KLHDC4: variants seen among roughly 807,000 people sequenced by gnomAD.
KLHDC4 encodes kelch domain containing 4.
Under a neutral mutation model 62.4 loss-of-function variants are expected in KLHDC4, and 90 were observed. The ratio of observed to expected loss-of-function variants is 1.44; its 90% CI spans 1.22 to 1.72. KLHDC4 has a LOEUF of 1.72. KLHDC4 is among the 40% of genes most tolerant of loss of function. The pLI, the probability that KLHDC4 is intolerant of heterozygous loss-of-function variation, is 0.00. For missense variants in KLHDC4, 1,025 were observed against 699.7 expected, an observed-to-expected ratio of 1.47 and a Z score of -5.25; for synonymous variants, 386 against 284.4, an observed-to-expected ratio of 1.36 and a Z score of -3.59.
chr16:87,709,672 T>A lies in KLHDC4; in HGVS notation c.1045-5A>T, dbSNP rs1157739543. On this transcript the variant is annotated splice_region_variant and splice_polypyrimidine_tract_variant and intron_variant, in intron 9 of 11. Transcript: ENST00000270583. ...CTTCTTTTCAGACTTGGGTCCCTATTAATAGACCGAGGAAGCAGAGAGCAG... is the reference window on the plus strand; with the variant it reads ...CTTCTTTTCAGACTTGGGTCCCTATAAATAGACCGAGGAAGCAGAGAGCAG... 2 of 1,581,490 alleles carry A rather than the reference T, an allele frequency of 1.3e-6. No individual in the cohort carries two copies. Among genetic ancestry groups the A allele is most frequent in the South Asian group, 2.3e-5 (2 of 87,372 alleles).
chr16:87,721,710 G>T (rs944032857), intron 7 of KLHDC4, among the ~76,000 whole-genome samples: 8 of 152,340 alleles, frequency 5.3e-5, no homozygotes, highest in Non-Finnish European at 8.8e-5. Flanking sequence ...CAAATGAAAG[G>T]ACGCTCTGGC....
chr16:87,717,395 C>A (rs922053126), intron 7 of KLHDC4, among the ~76,000 whole-genome samples: 9 of 152,090 alleles, frequency 5.9e-5, no homozygotes, highest in African/African-American at 1.9e-4. Flanking sequence ...GGAAAAAAAA[C>A]ATTTTCCTTT....
chr16:87,743,466 G>A (rs1046381963), intron 5 of KLHDC4, among the ~76,000 whole-genome samples: 16 of 152,214 alleles, frequency 1.1e-4, no homozygotes, highest in South Asian at 4.1e-4. Flanking sequence ...CTGGCCAGGC[G>A]CCGTGGCTCA....
chr16:87,760,835 C>T lies in KLHDC4; in HGVS notation c.191+1114G>A, dbSNP rs192644796. Among the ~76,000 whole-genome samples the T allele has an allele frequency of 1.0e-3, 156 of 152,118 alleles. 3 individuals are homozygous for T. In the South Asian group the frequency reaches 0.017, roughly 17 times the overall value. The stretch of plus-strand genomic sequence containing the variant: ...ATTACCTAAGGTCAGGAGTTCACGA[C>T]CAGCCAGGCCAACATGGCAAAACCC... On this transcript the variant is annotated intron_variant, in intron 2 of 11. Coordinates refer to ENST00000270583, the MANE Select transcript of KLHDC4 (RefSeq NM_017566.4).
chr16:87,762,251 T>C, intron 1 of KLHDC4: 6 of 961,480 alleles, frequency 6.2e-6, no homozygotes, highest in South Asian at 3.8e-5. Flanking sequence ...AAAGGGTAGA[T>C]GTGTGCACCA....
intron 4 of KLHDC4, chr16:87,750,751 G>C (rs531271506): frequency 6.6e-6 from 1 of 152,258 alleles, no homozygotes; most frequent in Non-Finnish European, 1.5e-5. Context: ...GCACCGATGC[G>C]GTTCCTTCCT....
intron 5 of KLHDC4, among the ~76,000 whole-genome samples, chr16:87,738,357 G>GCACGCA (rs146255573): frequency 6.7e-6 from 1 of 149,742 alleles, no homozygotes; most frequent in Non-Finnish European, 1.5e-5. Context: ...ACACGGACGT[G>GCACGCA]CACACACACA....
chr16:87,730,932 C>A (rs921724660), intron 5 of KLHDC4: 1 of 244,038 alleles, frequency 4.1e-6, no homozygotes, highest in Admixed American at 5.7e-5. Flanking sequence ...ACTCCGCCAA[C>A]ATAAAAAACT....
rs1244064184 is a variant in KLHDC4 at position 87,709,663 on chromosome 16, G to A, written c.1049C>T (p.Pro350Leu). 2 of 1,595,282 alleles carry A rather than the reference G, an allele frequency of 1.3e-6. No individual in the cohort carries two copies. The highest frequency in any genetic ancestry group is 1.7e-6 in the Non-Finnish European group (2 of 1,170,672). Residue 350 changes from proline (P) to leucine (L), a missense_variant, in exon 10 of 12, where the codon CCC (proline) becomes CTC (leucine). Coordinates refer to ENST00000270583, the MANE Select transcript of KLHDC4 (RefSeq NM_017566.4). ...NRWFEGQLKGPKSEKKKRRRG... is the reference protein window; with the variant it reads ...NRWFEGQLKGLKSEKKKRRRG... ...CCTGCGTTTCTTCTTTTCAGACTTGGGTCCCTATTAATAGACCGAGGAAGC... is the reference window on the plus strand; with the variant it reads ...CCTGCGTTTCTTCTTTTCAGACTTGAGTCCCTATTAATAGACCGAGGAAGC...
chr16:87,745,285 C>T (rs796771619), intron 5 of KLHDC4, among the ~76,000 whole-genome samples: 3 of 151,880 alleles, frequency 2.0e-5, no homozygotes, highest in African/African-American at 7.2e-5. Context: ...TCTGCTCTTG[C>T]AGCACCCGCC....
At chr16:87,721,567 G>C (rs1015807974) in intron 7 of KLHDC4, among the ~76,000 whole-genome samples, 1 of 152,160 alleles carries the variant, frequency 6.6e-6, no homozygotes, top group Non-Finnish European at 1.5e-5. Context: ...GGGAGAGCTG[G>C]GCACGGACCT....
chr16:87,726,103 G>C (rs1199810566), intron 7 of KLHDC4, among the ~76,000 whole-genome samples: 1 of 152,052 alleles, frequency 6.6e-6, no homozygotes, highest in African/African-American at 2.4e-5. Flanking sequence ...TTCAACCAAT[G>C]AGTAATCCCA....
downstream of KLHDC4, among the ~76,000 whole-genome samples, chr16:87,704,423 ACGT>A (rs2034415084): frequency 1.3e-4 from 11 of 86,630 alleles, 1 homozygote; most frequent in African/African-American, 6.0e-4. Context: ...AGGGTCCTGA[ACGT>A]CACGGGGAAG....
intron 1 of KLHDC4, among the ~76,000 whole-genome samples, chr16:87,764,865 G>GGA (rs2046398403): frequency 6.6e-6 from 1 of 151,224 alleles, no homozygotes; most frequent in Non-Finnish European, 1.5e-5. Flanking sequence ...GAGCCTAAGA[G>GGA]GAGTGTGAGG....
chr16:87,741,560 T>G (rs2042246584), intron 5 of KLHDC4, among the ~76,000 whole-genome samples: 1 of 152,094 alleles, frequency 6.6e-6, no homozygotes, highest in African/African-American at 2.4e-5. Context: ...CCGTCATCCC[T>G]CCCCACCAGC....
chr16:87,765,754 G>T, intron 1 of KLHDC4, 38 bp downstream of exon 1: 4 of 1,538,534 alleles, frequency 2.6e-6, no homozygotes, highest in South Asian at 1.2e-5. Flanking sequence ...CTGCACGGCC[G>T]CGACGTCGGG....
At chr16:87,704,467 A>ACG (rs2034424910), downstream of KLHDC4, among the ~76,000 whole-genome samples, 2 of 60,474 alleles carry the variant, frequency 3.3e-5, no homozygotes, top group African/African-American at 1.9e-4. Context: ...TGAACATGAC[A>ACG]GGGAAGGAGG....
At chr16:87,709,896 A>AC (rs148628273) in intron 9 of KLHDC4, 8,387 of 503,890 alleles carry the variant, frequency 0.017, 546 homozygotes, top group African/African-American at 0.14. Context: ...GGGGCAGAAA[A>AC]CCCCCCACTG....
intron 6 of KLHDC4, among the ~76,000 whole-genome samples, chr16:87,728,564 G>A (rs982945077): frequency 2.6e-5 from 4 of 152,224 alleles, no homozygotes; most frequent in African/African-American, 9.6e-5. Context: ...TTTATAACCT[G>A]TAAGTTCAAA....
Sources: gnomAD v4.1 joint callset for allele counts (sites outside exome capture counted in the v4.1 genomes callset) on GRCh38, gnomAD v4.1.1 for gene constraint, MANE v1.5 for transcripts, NCBI Gene and HGNC (gene_info 2026-07-23, HGNC 2026-07-21) for gene names.